Variants in GMEB2 observed in about 807,000 individuals in gnomAD.
GMEB2 encodes glucocorticoid modulatory element binding protein 2, also known as glucocorticoid modulatory element-binding protein 2.
Under a neutral mutation model 45.7 loss-of-function variants are expected in GMEB2, and 7 were observed. The observed-to-expected ratio is 0.15, with a 90% CI of 0.09 to 0.29. GMEB2 has a LOEUF of 0.29. Ranked by LOEUF, GMEB2 falls within the 10% of genes least tolerant of loss-of-function variation. GMEB2 has a pLI of 1.00. For missense variants in GMEB2, 582 were observed against 739.2 expected (o/e 0.79, Z 2.47); for synonymous variants, 322 against 323.6 (o/e 1.00, Z 0.05).
chr20:63,618,708 G>A (rs958012513), intron 2 of GMEB2, among the ~76,000 whole-genome samples: 1 of 152,158 alleles, frequency 6.6e-6, no homozygotes, highest in Middle Eastern at 3.2e-3. Flanking sequence ...GCCTGGGACT[G>A]CCCGGGGCTG....
chr20:63,621,991 G>C (rs1176257556), intron 1 of GMEB2, among the ~76,000 whole-genome samples: 1 of 151,824 alleles, frequency 6.6e-6, no homozygotes, highest in Non-Finnish European at 1.5e-5. Context: ...GCCAGGCATG[G>C]TGGTGTGCAC....
At position 63,619,308 on chromosome 20, in the gene GMEB2, C is replaced by T. The variant is rs1443785524; in HGVS notation, c.90G>A (p.Gly30=). 4.3e-6 allele frequency: 7 copies of T among 1,612,784 alleles called. No individual in the cohort carries two copies. The African/African-American group carries it at 9.3e-5, about 22-fold the overall frequency. The change falls in exon 2 of 10, where the codon GGG becomes GGA. Residue 30 remains glycine (G), a synonymous_variant. Coordinates refer to ENST00000370077, the MANE Select transcript of GMEB2 (RefSeq NM_012384.5). The surrounding 1 kb of genome is among the most constrained non-coding windows in gnomAD (Gnocchi z 4.6). The part of the protein sequence containing the change: ...DTAVDGSGVE[G]VKTVLVTTNL... ...TGGTCGTCACCAACACGGTCTTCACCCCCTCCACACCACTGCCGTCCACTG... is the reference window on the plus strand; with the variant it reads ...TGGTCGTCACCAACACGGTCTTCACTCCCTCCACACCACTGCCGTCCACTG...
rs753837567 is a variant in GMEB2, at chr20:63,595,632, G to A, written c.597C>T (p.Pro199=). The A allele has an allele frequency of 1.9e-6, 3 of 1,612,118 alleles. No individual in the cohort carries two copies. The highest frequency in any genetic ancestry group is 2.5e-6 in the Non-Finnish European group (3 of 1,179,368). Residue 199 remains proline (P), a synonymous_variant, in exon 6 of 10, where the codon CCC becomes CCT. Transcript: ENST00000370077. ...LSSPTSAEYI[P]LTPAAADVNG... ...TACCGTCGGCTGCGGCGGGCGTGAG[G>A]GGAATGTACTCGGCCGACGTGGGGC...
Position 63,590,371 on chromosome 20 carries a change from G to A in GMEB2, c.1311C>T (p.Ser437=), listed in dbSNP as rs368512874. Residue 437 remains serine (S), a synonymous_variant, in exon 10 of 10, where the codon TCC becomes TCT. Coordinates refer to ENST00000370077, the MANE Select transcript of GMEB2 (RefSeq NM_012384.5). ...LLGGYTVLAS[S]GSTYPSTVEI... is the part of the protein sequence containing the mutation. The stretch of plus-strand genomic sequence containing the variant: ...CCACTGTGCTGGGGTAGGTGGAGCC[G>A]GAAGAGGCCAAGACTGTGTATCCCC... The A allele has an allele frequency of 4.3e-5, 69 of 1,605,278 alleles. No homozygotes were observed. Among genetic ancestry groups the A allele is most frequent in the African/African-American group, 6.7e-5 (5 of 74,764 alleles).
In GMEB2 at chr20:63,619,126, C is replaced by G. The variant is rs919836468; in HGVS notation, c.131+141G>C. On this transcript the variant is annotated intron_variant, in intron 2 of 9. Coordinates refer to ENST00000370077, the MANE Select transcript of GMEB2 (RefSeq NM_012384.5). The surrounding 1 kb of genome is among the most constrained non-coding windows in gnomAD (Gnocchi z 4.6). The stretch of plus-strand genomic sequence containing the variant: ...TGCTTTTCTTCGCTCTCTACTTACA[C>G]ACACATTTGAGTCCAGTCTCAGAAG... 3.8e-6 allele frequency: 3 copies of G among 785,046 alleles called. No homozygotes were observed. Among genetic ancestry groups the G allele is most frequent in the African/African-American group, 3.6e-5 (2 of 55,826 alleles). 48.6% of individuals were successfully genotyped at this position (785,046 alleles called of 1,614,324 possible).
intron 1 of GMEB2, among the ~76,000 whole-genome samples, chr20:63,620,799 T>C (rs2089638796): frequency 6.6e-6 from 1 of 151,952 alleles, no homozygotes. Context: ...AAACAAGACC[T>C]AGAGTCCATA....
chr20:63,607,233 A>AC (rs200562575), intron 2 of GMEB2, among the ~76,000 whole-genome samples: 38 of 95,678 alleles, frequency 4.0e-4, no homozygotes, highest in African/African-American at 8.8e-4. Context: ...TGCCCCTCTG[A>AC]CCCACCTCCA....
At chr20:63,617,424 A>G (rs1326841369) in intron 2 of GMEB2, among the ~76,000 whole-genome samples, 1 of 152,174 alleles carries the variant, frequency 6.6e-6, no homozygotes, top group African/African-American at 2.4e-5. Flanking sequence ...CTTGGACTTC[A>G]GCCTTCAGAG....
chr20:63,621,711 A>G (rs1030265714), intron 1 of GMEB2, among the ~76,000 whole-genome samples: 14 of 150,580 alleles, frequency 9.3e-5, no homozygotes, highest in African/African-American at 3.2e-4. Flanking sequence ...TAAAATGGTT[A>G]AATTTTATGT....
chr20:63,602,919 CA>C (rs753342511), intron 4 of GMEB2, 45 bp downstream of exon 4: 1 of 1,580,720 alleles, frequency 6.3e-7, no homozygotes, highest in Non-Finnish European at 8.7e-7. Flanking sequence ...CAGTCACAGA[CA>C]CCATGAGGCC....
chr20:63,609,711 C>A (rs1424692904), intron 2 of GMEB2, among the ~76,000 whole-genome samples: 5 of 39,622 alleles, frequency 1.3e-4, no homozygotes, highest in East Asian at 6.3e-4. Context: ...GAAACATGCC[C>A]CTCTGACCCA....
intron 2 of GMEB2, among the ~76,000 whole-genome samples, chr20:63,613,697 T>C (rs1245060451): frequency 6.6e-6 from 1 of 152,048 alleles, no homozygotes; most frequent in Admixed American, 6.5e-5. Flanking sequence ...GTACTTTTAG[T>C]AGAGACGGGG....
chr20:63,620,090 G>A (rs1205428518), intron 1 of GMEB2, among the ~76,000 whole-genome samples: 2 of 152,204 alleles, frequency 1.3e-5, no homozygotes, highest in Non-Finnish European at 2.9e-5. Context: ...TGGGATTACA[G>A]GTTTCACCAT....
chr20:63,591,039 G>A (rs454132), intron 9 of GMEB2, among the ~76,000 whole-genome samples: 75,564 of 152,044 alleles, frequency 0.5, 20,026 homozygotes, highest in Middle Eastern at 0.66. Flanking sequence ...CAGGGCCTGC[G>A]TGCAAGCGTG....
At chr20:63,590,758 AGGGGAC>A in intron 9 of GMEB2, 29 bp from the exon 10 acceptor site, 1 of 1,401,690 alleles carries the variant, frequency 7.1e-7, no homozygotes, top group Non-Finnish European at 9.5e-7. Flanking sequence ...GGCATCACAC[AGGGGAC>A]GGGGGCATGG....
At position 63,604,750 on chromosome 20, in the gene GMEB2, G is replaced by A. The variant is rs1038115319; in HGVS notation, c.222C>T (p.Ala74=). 2.4e-5 allele frequency: 38 copies of A among 1,595,864 alleles called. No homozygotes were observed. Among genetic ancestry groups the A allele is most frequent in the Non-Finnish European group, 3.2e-5 (37 of 1,163,566 alleles). The change falls in exon 3 of 10, where the codon GCC becomes GCT. Residue 74 remains alanine (A), a synonymous_variant. Transcript: ENST00000370077. ...AFTASSQLKE[A]VLVKMAEEGE... is the part of the protein sequence containing the mutation. ...CCTAGGACGGCTTCCTACCTAACACGGCTTCCTTGAGCTGGGAGGAGGCTG... is the reference window on the plus strand; with the variant it reads ...CCTAGGACGGCTTCCTACCTAACACAGCTTCCTTGAGCTGGGAGGAGGCTG...
Position 63,597,824 on chromosome 20 carries a change from G to T in GMEB2, c.394C>A (p.His132Asn). ...EHVISPKEFVHLAGKSTLKDW... is the reference protein window; with the variant it reads ...EHVISPKEFVNLAGKSTLKDW... ...TTCAGGGTGGACTTCCCGGCCAGGT[G>T]CACAAATTCCTTTGGGCTGATTACA... Residue 132 changes from histidine (H) to asparagine (N), a missense_variant, in exon 5 of 10, where the codon CAC (histidine) becomes AAC (asparagine). Coordinates refer to ENST00000370077, the MANE Select transcript of GMEB2 (RefSeq NM_012384.5). The T allele has an allele frequency of 6.2e-7, 1 of 1,610,200 alleles. No homozygotes were observed. Among genetic ancestry groups the T allele is most frequent in the Non-Finnish European group, 8.5e-7 (1 of 1,176,440 alleles).
At position 63,587,812 on chromosome 20, in the gene GMEB2, G is replaced by A. The variant is rs1019969033; in HGVS notation, c.*2277C>T. The A allele has an allele frequency of 5.2e-5, 8 of 152,390 alleles. No individual in the cohort carries two copies. The highest frequency in any genetic ancestry group is 1.0e-4 in the Non-Finnish European group (7 of 68,060). 9.4% of individuals were successfully genotyped at this position (152,390 alleles called of 1,614,324 possible). A position where few individuals can be genotyped will look rare whatever the true frequency, so the allele number is the denominator to read the frequency against. ...GAAAACCCGTGTTCTGTACGTGGTT[G>A]AGAAGGTCCTCCTCTCTGAGTACTG... is the stretch of plus-strand genomic sequence containing the variant. On this transcript the variant is annotated 3_prime_UTR_variant, in exon 10 of 10. Transcript: ENST00000370077.
chr20:63,618,763 C>T (rs1464626446), intron 2 of GMEB2, among the ~76,000 whole-genome samples: 1 of 152,202 alleles, frequency 6.6e-6, no homozygotes, highest in Non-Finnish European at 1.5e-5. Flanking sequence ...GTGACACCGG[C>T]TCACAGCAGG....
Sources: gnomAD v4.1 joint callset for allele counts (sites outside exome capture counted in the v4.1 genomes callset) on GRCh38, gnomAD v4.1.1 for gene constraint, Gnocchi (gnomAD v3.1) non-coding constraint, MANE v1.5 for transcripts, NCBI Gene and HGNC (gene_info 2026-07-23, HGNC 2026-07-21) for gene names.